ZDHHC14: variants seen among roughly 807,000 people sequenced by gnomAD.
The protein encoded by ZDHHC14 is zDHHC palmitoyltransferase 14.
Under a neutral mutation model 47.7 loss-of-function variants are expected in ZDHHC14, and 16 were observed. The observed-to-expected ratio is 0.34, with a 90% CI of 0.23 to 0.51. ZDHHC14 has a LOEUF of 0.51. Ranked by LOEUF, ZDHHC14 falls within the 20% of genes least tolerant of loss-of-function variation. ZDHHC14 has a pLI of 0.97. For missense variants in ZDHHC14, 515 were observed against 662.5 expected (o/e 0.78, Z 2.44); for synonymous variants, 293 against 278.9 (o/e 1.05, Z -0.50).
At chr6:157,526,224 T>C (rs1039144018) in intron 1 of ZDHHC14, among the ~76,000 whole-genome samples, 1 of 152,230 alleles carries the variant, frequency 6.6e-6, no homozygotes, top group African/African-American at 2.4e-5. Flanking sequence ...TGCTAACTCA[T>C]CAATTCTCAA....
chr6:157,555,623 C>A (rs567532850), intron 2 of ZDHHC14, among the ~76,000 whole-genome samples: 13 of 152,198 alleles, frequency 8.5e-5, no homozygotes, highest in Middle Eastern at 3.2e-3. Context: ...AGGGCTAGCA[C>A]GCACAGTGCA....
chr6:157,564,183 C>G (rs1782816790), intron 2 of ZDHHC14, among the ~76,000 whole-genome samples: 1 of 152,214 alleles, frequency 6.6e-6, no homozygotes, highest in South Asian at 2.1e-4. Flanking sequence ...TAGAACTGTT[C>G]TTGCATGGTG....
At position 157,573,963 on chromosome 6, in the gene ZDHHC14, G is replaced by T. The variant is rs201220523; in HGVS notation, c.407-19025G>T. 1.3e-3 allele frequency among the ~76,000 whole-genome samples: 200 copies of T among 151,990 alleles called. 2 individuals are homozygous for T. In the East Asian group the frequency reaches 0.021, roughly 16 times the overall value. Reference sequence around the variant, plus strand: ...TACTCTGTGAGAAACCTCGGGGTCGGGGGGGAAGTTCTTTGCTCTTAGGTT... The same window carrying T: ...TACTCTGTGAGAAACCTCGGGGTCGTGGGGGAAGTTCTTTGCTCTTAGGTT... On this transcript the variant is annotated intron_variant, in intron 2 of 8. Coordinates refer to ENST00000359775, the MANE Select transcript of ZDHHC14 (RefSeq NM_024630.3).
Position 157,396,267 on chromosome 6 carries a change from T to C in ZDHHC14, c.245+14001T>C, listed in dbSNP as rs1190520829. On this transcript the variant is annotated intron_variant, in intron 1 of 8. Coordinates refer to ENST00000359775, the MANE Select transcript of ZDHHC14 (RefSeq NM_024630.3). ...CCTCATGGTCTGCAGAGACTTGCTG[T>C]CCCACAAGGGGACAGCTAGGCAAGT... Among the ~76,000 whole-genome samples, 7 of 152,084 alleles carry C rather than the reference T, an allele frequency of 4.6e-5. No homozygotes were observed. The South Asian group carries it at 6.2e-4, about 14-fold the overall frequency.
At chr6:157,671,422 C>T (rs1168873784) in intron 8 of ZDHHC14, among the ~76,000 whole-genome samples, 1 of 152,144 alleles carries the variant, frequency 6.6e-6, no homozygotes, top group Non-Finnish European at 1.5e-5. Flanking sequence ...CACAGAGTCC[C>T]GATTTGCTCA....
At chr6:157,650,047 CTGGCTCTGTGCCAGG>C (rs879768453) in intron 7 of ZDHHC14, among the ~76,000 whole-genome samples, 29 of 150,854 alleles carry the variant, frequency 1.9e-4, no homozygotes, top group African/African-American at 3.4e-4. Flanking sequence ...GGGAGAGGGG[CTGGCTCTGTGCCAGG>C]CGCTGTGGGT....
intron 3 of ZDHHC14, among the ~76,000 whole-genome samples, chr6:157,624,364 G>C (rs1785320127): frequency 6.6e-6 from 1 of 152,182 alleles, no homozygotes; most frequent in East Asian, 1.9e-4. Flanking sequence ...TCTCATCCTT[G>C]ACCTGAAAAG....
chr6:157,497,218 A>T (rs1780089883), intron 1 of ZDHHC14, among the ~76,000 whole-genome samples: 1 of 152,196 alleles, frequency 6.6e-6, no homozygotes, highest in Non-Finnish European at 1.5e-5. Context: ...AGCGGGAAGG[A>T]ATTTCCATTT....
At chr6:157,440,599 A>G (rs896676202) in intron 1 of ZDHHC14, among the ~76,000 whole-genome samples, 5 of 152,262 alleles carry the variant, frequency 3.3e-5, no homozygotes, top group African/African-American at 9.6e-5. Flanking sequence ...AAAAAATACA[A>G]ACATGCACAT....
intron 2 of ZDHHC14, among the ~76,000 whole-genome samples, chr6:157,579,214 T>TTTTTTTTTTTTTTTTTTTTTTTTTCTC: frequency 7.0e-6 from 1 of 143,864 alleles, no homozygotes; most frequent in African/African-American, 2.6e-5. Flanking sequence ...TTTTTTTTTT[T>TTTTTTTTTTTTTTTTTTTTTTTTTCTC]TTGGATGGAG....
chr6:157,596,212 G>C (rs1183881147), intron 3 of ZDHHC14, among the ~76,000 whole-genome samples: 1 of 152,224 alleles, frequency 6.6e-6, no homozygotes, highest in Non-Finnish European at 1.5e-5. Flanking sequence ...GGAAAATAGA[G>C]TGGAAGGCAA....
intron 2 of ZDHHC14, among the ~76,000 whole-genome samples, chr6:157,549,862 T>C (rs1046966330): frequency 2.0e-5 from 3 of 152,216 alleles, no homozygotes; most frequent in African/African-American, 4.8e-5. Flanking sequence ...AAATCCAAAC[T>C]TGTGGGAATG....
chr6:157,639,130 C>A (rs1355234894), intron 5 of ZDHHC14, among the ~76,000 whole-genome samples: 1 of 152,182 alleles, frequency 6.6e-6, no homozygotes, highest in African/African-American at 2.4e-5. Context: ...ACTTACACAC[C>A]CAAGTGTGCG....
chr6:157,655,980 C>T (rs1778071528), intron 8 of ZDHHC14, among the ~76,000 whole-genome samples: 1 of 152,198 alleles, frequency 6.6e-6, no homozygotes, highest in Non-Finnish European at 1.5e-5. Flanking sequence ...CCAGATGGGA[C>T]ATAATTCATC....
intron 1 of ZDHHC14, among the ~76,000 whole-genome samples, chr6:157,439,432 A>C (rs1407817650): frequency 6.6e-6 from 1 of 152,214 alleles, no homozygotes; most frequent in Non-Finnish European, 1.5e-5. Flanking sequence ...TGATCATTAG[A>C]GAAATGCAAA....
intron 1 of ZDHHC14, among the ~76,000 whole-genome samples, chr6:157,429,006 C>A (rs34478031): frequency 0.19 from 29,017 of 152,040 alleles, 3,183 homozygotes; most frequent in East Asian, 0.33. Flanking sequence ...AGTGTGTTTG[C>A]GATGAGTGAT....
At chr6:157,516,551 G>A (rs935934682) in intron 1 of ZDHHC14, among the ~76,000 whole-genome samples, 15 of 152,182 alleles carry the variant, frequency 9.9e-5, no homozygotes, top group Admixed American at 4.6e-4. Context: ...TGAATTATTC[G>A]TTGAATGAAT....
chr6:157,604,132 C>T (rs780696561), intron 3 of ZDHHC14, among the ~76,000 whole-genome samples: 1 of 151,940 alleles, frequency 6.6e-6, no homozygotes, highest in Non-Finnish European at 1.5e-5. Flanking sequence ...ACAAAAAATA[C>T]AAAAATTAGC....
At chr6:157,511,148 C>A (rs898353540) in intron 1 of ZDHHC14, among the ~76,000 whole-genome samples, 1 of 152,142 alleles carries the variant, frequency 6.6e-6, no homozygotes, top group South Asian at 2.1e-4. Flanking sequence ...AGGGCCCTGC[C>A]GTGGGGGCAA....
Sources: gnomAD v4.1 joint callset for allele counts (sites outside exome capture counted in the v4.1 genomes callset) on GRCh38, gnomAD v4.1.1 for gene constraint, MANE v1.5 for transcripts, NCBI Gene and HGNC (gene_info 2026-07-23, HGNC 2026-07-21) for gene names.